Variants in SPMIP2 observed in about 807,000 individuals in gnomAD.
SPMIP2 encodes the protein sperm microtubule inner protein 2.
chr4:159,062,127 G>A, the SPMIP2 span, among the ~76,000 whole-genome samples: 3 of 152,176 alleles, frequency 2.0e-5, no homozygotes, highest in Admixed American at 1.3e-4. Flanking sequence ...ACTACCATGG[G>A]ACCCTACCAG....
At chr4:159,010,979 G>A in the SPMIP2 span, among the ~76,000 whole-genome samples, 10 of 151,920 alleles carry the variant, frequency 6.6e-5, no homozygotes, top group Admixed American at 6.6e-4. Flanking sequence ...TTCTTCCTAG[G>A]TTTATATGTT....
At chr4:159,038,968 C>CTTAT in the SPMIP2 span, among the ~76,000 whole-genome samples, 1 of 152,038 alleles carries the variant, frequency 6.6e-6, no homozygotes, top group Non-Finnish European at 1.5e-5. Flanking sequence ...GTTTTATAGT[C>CTTAT]TTATTTATTT....
the SPMIP2 span, among the ~76,000 whole-genome samples, chr4:158,980,735 A>C: frequency 6.6e-6 from 1 of 152,224 alleles, no homozygotes; most frequent in Admixed American, 6.5e-5. Context: ...AGGTAAATAA[A>C]TCCACATAGA....
the SPMIP2 span, among the ~76,000 whole-genome samples, chr4:158,926,534 C>T: frequency 2.6e-5 from 4 of 151,734 alleles, no homozygotes; most frequent in Non-Finnish European, 5.9e-5. Context: ...ATCATAGTTC[C>T]GTGATTTCAT....
At chr4:158,948,272 G>C in the SPMIP2 span, among the ~76,000 whole-genome samples, 1 of 152,160 alleles carries the variant, frequency 6.6e-6, no homozygotes, top group Non-Finnish European at 1.5e-5. Context: ...TGTCCTGCTA[G>C]ATAACATTCT....
chr4:158,919,955 G>A, the SPMIP2 span, among the ~76,000 whole-genome samples: 1 of 152,148 alleles, frequency 6.6e-6, no homozygotes, highest in Admixed American at 6.5e-5. Context: ...CTTGTTGGAG[G>A]TGGGGCCTGG....
At chr4:158,929,356 C>T in the SPMIP2 span, among the ~76,000 whole-genome samples, 2 of 152,234 alleles carry the variant, frequency 1.3e-5, no homozygotes, top group Non-Finnish European at 2.9e-5. Context: ...AGTCCATTTA[C>T]ATTTAATGTG....
At chr4:158,896,316 G>A in the SPMIP2 span, among the ~76,000 whole-genome samples, 1 of 152,192 alleles carries the variant, frequency 6.6e-6, no homozygotes, top group Non-Finnish European at 1.5e-5. Context: ...CTGCGTGTCT[G>A]TGGGGGGACA....
At chr4:159,061,745 A>G in the SPMIP2 span, among the ~76,000 whole-genome samples, 1 of 150,742 alleles carries the variant, frequency 6.6e-6, no homozygotes, top group Non-Finnish European at 1.5e-5. Context: ...TGGGTGGCAG[A>G]GGTTGCAGTG....
At chr4:158,998,676 A>T in the SPMIP2 span, among the ~76,000 whole-genome samples, 1 of 152,242 alleles carries the variant, frequency 6.6e-6, no homozygotes, top group Non-Finnish European at 1.5e-5. Context: ...TAAATTATAC[A>T]GATAGATTGG....
chr4:158,940,559 CTTT>C, the SPMIP2 span, among the ~76,000 whole-genome samples: 21 of 135,120 alleles, frequency 1.6e-4, no homozygotes, highest in African/African-American at 4.9e-4. Flanking sequence ...GTTGTTCCTT[CTTT>C]TTTTTTTTTT....
the SPMIP2 span, among the ~76,000 whole-genome samples, chr4:158,962,714 T>C: frequency 6.6e-6 from 1 of 152,190 alleles, no homozygotes; most frequent in Non-Finnish European, 1.5e-5. Flanking sequence ...TTGGAACTAT[T>C]ACAGGGAGAA....
chr4:158,915,191 C>T, the SPMIP2 span: 16 of 1,610,440 alleles, frequency 9.9e-6, no homozygotes, highest in African/African-American at 1.3e-5. Context: ...TTGGTAGCTT[C>T]GGCAGCTTAG....
chr4:158,972,977 A>C, the SPMIP2 span: 25 of 765,212 alleles, frequency 3.3e-5, no homozygotes, highest in Admixed American at 6.1e-4. Flanking sequence ...ATTATGTCTC[A>C]ATGAGAAATC....
At chr4:159,029,218 T>A in the SPMIP2 span, among the ~76,000 whole-genome samples, 1 of 152,212 alleles carries the variant, frequency 6.6e-6, no homozygotes. Context: ...GTACAGATGG[T>A]TAGCTTGCCC....
chr4:159,026,183 A>G, the SPMIP2 span: 2 of 438,228 alleles, frequency 4.6e-6, no homozygotes, highest in Admixed American at 3.0e-5. Flanking sequence ...CTTGATGAAT[A>G]CGTGAAGGAA....
the SPMIP2 span, among the ~76,000 whole-genome samples, chr4:159,068,745 G>A: frequency 6.6e-6 from 1 of 151,426 alleles, no homozygotes; most frequent in African/African-American, 2.4e-5. Context: ...AGCCAAAACT[G>A]ACAAAACTAC....
At chr4:159,028,620 C>T in the SPMIP2 span, among the ~76,000 whole-genome samples, 2 of 152,102 alleles carry the variant, frequency 1.3e-5, no homozygotes, top group Non-Finnish European at 2.9e-5. Flanking sequence ...TGTGTGCCAC[C>T]GCATTCAGCC....
At chr4:158,963,077 G>T in the SPMIP2 span, among the ~76,000 whole-genome samples, 2 of 152,002 alleles carry the variant, frequency 1.3e-5, no homozygotes, top group Admixed American at 6.6e-5. Context: ...GCTTTCTGGG[G>T]AGTATCTAAA....
Sources: allele counts gnomAD v4.1 joint callset (sites outside exome capture counted in the v4.1 genomes callset), GRCh38; gene constraint gnomAD v4.1.1; transcripts MANE v1.5; gene names NCBI Gene and HGNC (gene_info 2026-07-23, HGNC 2026-07-21).